SAMD9L: variants seen among roughly 807,000 people sequenced by gnomAD.
The protein encoded by SAMD9L is sterile alpha motif domain-containing protein 9-like.
In SAMD9L, 68 loss-of-function variants were observed where a neutral mutation model predicts 90.7. The observed-to-expected ratio is 0.75, with a 90% CI of 0.62 to 0.92. The LOEUF (loss-of-function observed/expected upper bound fraction) is 0.92, where lower values mean the gene tolerates loss of function less well. SAMD9L is among the 40% of genes least tolerant of loss of function. The pLI, the probability that SAMD9L is intolerant of heterozygous loss-of-function variation, is 0.00. For missense variants in SAMD9L, 1,604 were observed against 1,824.3 expected, an observed-to-expected ratio of 0.88 and a Z score of 2.20; for synonymous variants, 640 against 630.1, an observed-to-expected ratio of 1.02 and a Z score of -0.23.
In SAMD9L at chr7:93,134,889, T is replaced by C; in HGVS notation, c.1083A>G (p.Val361=). The part of the protein sequence containing the change: ...DILANSKQRD[V]DFKAFLQNLK... ...AATTTTGTAAAAATGCCTTGAAATC[T>C]ACATCCCGTTGCTTGGAATTGGCCA... is the stretch of plus-strand genomic sequence containing the variant. The change falls in exon 5 of 5, where the codon GTA becomes GTG. Residue 361 remains valine, a synonymous_variant. Coordinates refer to ENST00000318238, the MANE Select transcript of SAMD9L (RefSeq NM_152703.5). 1 of 1,614,052 alleles carries C rather than the reference T, an allele frequency of 6.2e-7. No individual in the cohort carries two copies. The highest frequency in any genetic ancestry group is 8.5e-7 in the Non-Finnish European group (1 of 1,179,942).
intron 4 of SAMD9L, among the ~76,000 whole-genome samples, chr7:93,140,517 AC>A (rs1792649112): frequency 1.3e-5 from 2 of 151,880 alleles, no homozygotes; most frequent in African/African-American, 4.8e-5. Flanking sequence ...TGCAGTAGTC[AC>A]TCTCTTATTC....
rs1168600904 is a variant in SAMD9L at position 93,135,735 on chromosome 7, G to T, written c.237C>A (p.Ser79=). ...KRSYNKLNSK[S]PESDNHDPGQ... is the part of the protein sequence containing the mutation. ...CCGGATCATGATTGTCACTTTCAGG[G>T]GACTTACTATTCAATTTGTTGTATG... The change falls in exon 5 of 5, where the codon TCC becomes TCA. Residue 79 remains serine, a synonymous_variant. Transcript: ENST00000318238. 4 of 1,613,850 alleles carry T rather than the reference G, an allele frequency of 2.5e-6. No homozygotes were observed. The African/African-American group carries it at 4.0e-5, about 16-fold the overall frequency.
Position 93,131,877 on chromosome 7 carries a change from G to C in SAMD9L, c.4095C>G (p.Ala1365=). Residue 1365 remains alanine, a synonymous_variant, in exon 5 of 5, where the codon GCC becomes GCG. Transcript: ENST00000318238. ...TTTTTGAGTTTTGCTGCAGTAGGAA[G>C]GCATATTCATTCACTATACTTTCCA... ...TTMESIVNEY[A]FLLQQNSKKP... The C allele has an allele frequency of 6.2e-7, 1 of 1,611,996 alleles. No individual in the cohort carries two copies. Among genetic ancestry groups the C allele is most frequent in the Non-Finnish European group, 8.5e-7 (1 of 1,179,848 alleles).
At position 93,147,154 on chromosome 7, in the gene SAMD9L, T is replaced by C. The variant is rs924536413; in HGVS notation, c.-1042-8A>G. ...AGTCTCTCTCTGGAAATGCTAAAGA[T>C]GGAAAAAACAGACTCCAGATTTTTT... On this transcript the variant is annotated splice_polypyrimidine_tract_variant and splice_region_variant and intron_variant, in intron 1 of 4. Coordinates refer to ENST00000318238, the MANE Select transcript of SAMD9L (RefSeq NM_152703.5). The C allele has an allele frequency of 1.3e-5, 2 of 152,184 alleles. No homozygotes were observed. The highest frequency in any genetic ancestry group is 4.8e-5 in the African/African-American group (2 of 41,454). The allele number at this position is 152,184 out of a possible 1,614,324, so 9.4% of individuals were successfully genotyped here. A position where few individuals can be genotyped will look rare whatever the true frequency, so the allele number is the denominator to read the frequency against.
intron 4 of SAMD9L, among the ~76,000 whole-genome samples, chr7:93,140,457 T>C (rs997050913): frequency 1.3e-5 from 2 of 152,124 alleles, no homozygotes; most frequent in Admixed American, 1.3e-4. Flanking sequence ...CTCACCTTAA[T>C]GCTGTCAGCT....
At position 93,135,660 on chromosome 7, in the gene SAMD9L, T is replaced by C. The variant is rs745453992; in HGVS notation, c.312A>G (p.Pro104=). Residue 104 remains proline, a synonymous_variant, in exon 5 of 5, where the codon CCA becomes CCG. Transcript: ENST00000318238. The part of the protein sequence containing the change: ...KPSKTEHQKN[P]KHTKKEEENS... ...TTTCTTCTTCCTTTTTGGTGTGTTT[T>C]GGATTTTTCTGGTGTTCTGTTTTGG... is the stretch of plus-strand genomic sequence containing the variant. The C allele has an allele frequency of 1.9e-6, 3 of 1,614,020 alleles. No individual in the cohort carries two copies. The highest frequency in any genetic ancestry group is 2.5e-6 in the Non-Finnish European group (3 of 1,180,000).
At chr7:93,147,636 C>T (rs572097309) in intron 1 of SAMD9L, among the ~76,000 whole-genome samples, 1 of 152,314 alleles carries the variant, frequency 6.6e-6, no homozygotes, top group Admixed American at 6.5e-5. Flanking sequence ...GTCTGGCAGA[C>T]AGAAGCCACA....
At chr7:93,143,286 C>A (rs1792764844) in intron 4 of SAMD9L, among the ~76,000 whole-genome samples, 1 of 152,080 alleles carries the variant, frequency 6.6e-6, no homozygotes, top group Non-Finnish European at 1.5e-5. Context: ...TGGAACATGG[C>A]TGGACAATGG....
rs369696372 is a variant in SAMD9L at position 93,135,026 on chromosome 7, A to G, written c.946T>C (p.Cys316Arg). The change falls in exon 5 of 5, where the codon TGT (cysteine) becomes CGT (arginine). Residue 316 changes from cysteine to arginine, a missense_variant. Physicochemically the swap from Cys to Arg is radical, Grantham distance 180 (BLOSUM62 -3). Around this residue, in one of 7 missense-constraint regions of SAMD9L, gnomAD observed 374 missense variants for 363.6 expected, o/e 1.03. Coordinates refer to ENST00000318238, the MANE Select transcript of SAMD9L (RefSeq NM_152703.5). ...EVDTIPKHSICNDKYFYIQMQ... is the reference protein window; with the variant it reads ...EVDTIPKHSIRNDKYFYIQMQ... ...TGAATGTAGAAATACTTATCATTAC[A>G]TATAGAGTGTTTTGGAATAGTATCA... The G allele has an allele frequency of 5.0e-6, 8 of 1,612,494 alleles. No homozygotes were observed. The highest frequency in any genetic ancestry group is 6.8e-6 in the Non-Finnish European group (8 of 1,178,782).
In SAMD9L at chr7:93,131,393, C is replaced by G; in HGVS notation, c.4579G>C (p.Gly1527Arg). Residue 1527 changes from glycine (G) to arginine (R), a missense_variant, in exon 5 of 5, where the codon GGT becomes CGT. By Grantham distance (125) the Gly-to-Arg change is moderately radical. Coordinates refer to ENST00000318238, the MANE Select transcript of SAMD9L (RefSeq NM_152703.5). ...GAGATTAGCTTGCCTTCAGCCTGAC[C>G]AGTTAGACGACGCAGGAGGTCTTTG... ...EVKDLLRRLT[G>R]QAEGKLISVE... 6.2e-7 allele frequency: 1 copy of G among 1,613,678 alleles called. No individual in the cohort carries two copies. The highest frequency in any genetic ancestry group is 8.5e-7 in the Non-Finnish European group (1 of 1,179,812).
In SAMD9L at chr7:93,131,516, T is replaced by C; in HGVS notation, c.4456A>G (p.Ser1486Gly). ...FYLGKRKGLN[S>G]IVHKAKIEQY... ...TCTATTTTGGCCTTGTGAACAATAC[T>C]GTTTAGACCCTTCCTTTTGCCCAGA... The change falls in exon 5 of 5, where the codon AGT (serine) becomes GGT (glycine). Residue 1486 changes from serine to glycine, a missense_variant. Physicochemically the swap from Ser to Gly is moderately conservative, Grantham distance 56. Around this residue, in one of 7 missense-constraint regions of SAMD9L, gnomAD observed 282 missense variants for 329.6 expected, o/e 0.86. Transcript: ENST00000318238. The C allele has an allele frequency of 6.2e-7, 1 of 1,613,990 alleles. No individual in the cohort carries two copies. Among genetic ancestry groups the C allele is most frequent in the Admixed American group, 1.7e-5 (1 of 59,990 alleles).
At chr7:93,146,446 T>C (rs989478365) in intron 2 of SAMD9L, among the ~76,000 whole-genome samples, 1 of 152,236 alleles carries the variant, frequency 6.6e-6, no homozygotes. Flanking sequence ...ATATTTTATA[T>C]ATTTTAACCT....
intron 3 of SAMD9L, among the ~76,000 whole-genome samples, chr7:93,145,115 CCACCTCTAGAAATATGCTG>C (rs1237006064): frequency 1.3e-5 from 2 of 152,286 alleles, no homozygotes; most frequent in South Asian, 4.1e-4. Flanking sequence ...CCAGAGCTTT[CCACCTCTAGAAATATGCTG>C]CACCGTCACC....
chr7:93,144,589 A>G, intron 4 of SAMD9L, 143 bp downstream of exon 4: 1 of 152,212 alleles, frequency 6.6e-6, no homozygotes, highest in East Asian at 1.9e-4. Context: ...CCTACAGATA[A>G]TAAATTTTAG....
intron 2 of SAMD9L, among the ~76,000 whole-genome samples, chr7:93,146,280 G>T (rs1018180982): frequency 6.6e-6 from 1 of 152,092 alleles, no homozygotes; most frequent in Non-Finnish European, 1.5e-5. Context: ...TACCAGCAGG[G>T]CTCACTCTTT....
Position 93,134,492 on chromosome 7 carries a change from T to C in SAMD9L, c.1480A>G (p.Ser494Gly), listed in dbSNP as rs1286412040. The C allele has an allele frequency of 6.2e-7, 1 of 1,613,912 alleles. No homozygotes were observed. Among genetic ancestry groups the C allele is most frequent in the African/African-American group, 1.3e-5 (1 of 74,904 alleles). Residue 494 changes from serine (S) to glycine (G), a missense_variant, in exon 5 of 5, where the codon AGC (serine) becomes GGC (glycine). By Grantham distance (56) the Ser-to-Gly change is moderately conservative. Around this residue, in one of 7 missense-constraint regions of SAMD9L, gnomAD observed 606 missense variants for 717.6 expected, o/e 0.84. Transcript: ENST00000318238. The stretch of plus-strand genomic sequence containing the variant: ...GATCTGCCGTTGCAGAAAATCCAGC[T>C]GGGCTGTTGGTAAAGATTAAGAGTA... ...ISTLNLYQQP[S>G]WIFCNGRSDL...
chr7:93,136,060 GTATACATTAT>G, intron 4 of SAMD9L, 69 bp from the exon 5 acceptor site: 1 of 1,038,476 alleles, frequency 9.6e-7, no homozygotes, highest in Non-Finnish European at 1.3e-6. Context: ...AGACAATTAT[GTATACATTAT>G]CATACAGAAG....
intron 1 of SAMD9L, among the ~76,000 whole-genome samples, chr7:93,147,855 C>T (rs953393776): frequency 2.0e-5 from 3 of 152,152 alleles, no homozygotes; most frequent in Non-Finnish European, 4.4e-5. Flanking sequence ...CAAGATCACA[C>T]GTTCCTTTAG....
At chr7:93,142,268 G>A (rs1308933911) in intron 4 of SAMD9L, among the ~76,000 whole-genome samples, 3 of 152,202 alleles carry the variant, frequency 2.0e-5, no homozygotes, top group Non-Finnish European at 2.9e-5. Context: ...TCAGCAACTG[G>A]AATATAACCT....
Sources: allele counts gnomAD v4.1 joint callset (sites outside exome capture counted in the v4.1 genomes callset), GRCh38; gene constraint gnomAD v4.1.1; regional missense constraint gnomAD v4.1.1; transcripts MANE v1.5; gene names NCBI Gene and HGNC (gene_info 2026-07-23, HGNC 2026-07-21).